Variants in USPL1 observed in about 807,000 individuals in gnomAD.
USPL1 encodes ubiquitin specific peptidase like 1, also known as SUMO-specific isopeptidase USPL1.
Under a neutral mutation model 51.5 loss-of-function variants are expected in USPL1, and 27 were observed. The observed-to-expected ratio is 0.52, with a 90% CI of 0.39 to 0.72. The LOEUF is 0.72. Among genes scored for constraint, USPL1 ranks in the 30% least tolerant of loss-of-function variants. The probability of loss-of-function intolerance (pLI) is 0.00; values close to 1 mark genes in which losing one functional copy is unlikely to be tolerated. For missense variants in USPL1, 1,226 were observed against 1,268.0 expected (o/e 0.97, Z 0.50); for synonymous variants, 451 against 459.6 (o/e 0.98, Z 0.24).
chr13:30,655,746 T>C (rs1951154480), intron 8 of USPL1, among the ~76,000 whole-genome samples: 1 of 152,264 alleles, frequency 6.6e-6, no homozygotes, highest in South Asian at 2.1e-4. Flanking sequence ...AACAATGTTT[T>C]CTAAAATAAT....
intron 6 of USPL1, among the ~76,000 whole-genome samples, chr13:30,642,992 A>T (rs569423972): frequency 3.9e-5 from 6 of 152,344 alleles, no homozygotes; most frequent in Admixed American, 6.5e-5. Flanking sequence ...GCTGAGTAGA[A>T]TACCTCTCAG....
At chr13:30,640,587 G>C (rs1437045187) in intron 5 of USPL1, among the ~76,000 whole-genome samples, 3 of 152,154 alleles carry the variant, frequency 2.0e-5, no homozygotes, top group Admixed American at 1.3e-4. Flanking sequence ...CTACTCGGGA[G>C]GCTGAGGCAG....
rs1256964771 is a variant in USPL1, at chr13:30,657,849, CTA to C, written c.1774_1775del (p.Ile592ProfsTer12). ...ATTTTACCTCTGACACTTGAAGAAA[CTA>C]TCCAGAAAACAGCCTCAGTTTCACA... On this transcript the variant is annotated frameshift_variant, in exon 9 of 9. Coordinates refer to ENST00000255304, the MANE Select transcript of USPL1 (RefSeq NM_005800.5). LOFTEE classifies it low-confidence loss of function (END_TRUNC). The C allele has an allele frequency of 6.2e-7, 1 of 1,614,014 alleles. No homozygotes were observed. Among genetic ancestry groups the C allele is most frequent in the Non-Finnish European group, 8.5e-7 (1 of 1,180,038 alleles).
chr13:30,642,864 T>C, intron 6 of USPL1, 107 bp downstream of exon 6: 1 of 1,360,544 alleles, frequency 7.3e-7, no homozygotes, highest in Non-Finnish European at 1.0e-6. Flanking sequence ...TTCTTTAAAC[T>C]GGAAGGGTCA....
chr13:30,641,676 A>T (rs1380932840), intron 5 of USPL1, among the ~76,000 whole-genome samples: 3 of 152,160 alleles, frequency 2.0e-5, no homozygotes, highest in East Asian at 3.8e-4. Flanking sequence ...TGACAACAAG[A>T]TTCAAATCTT....
intron 3 of USPL1, 88 bp from the exon 4 acceptor site, chr13:30,630,747 C>T: frequency 7.5e-7 from 1 of 1,341,986 alleles, no homozygotes; most frequent in East Asian, 2.4e-5. Context: ...TGCTAACATT[C>T]TATACATGTT....
chr13:30,656,813 A>C (rs192692278), intron 8 of USPL1, among the ~76,000 whole-genome samples: 4 of 151,402 alleles, frequency 2.6e-5, no homozygotes, highest in African/African-American at 7.3e-5. Context: ...ATTTCTCTAC[A>C]TCCTTGCCAA....
chr13:30,658,213 A>G lies in USPL1; in HGVS notation c.2136A>G (p.Gln712=), dbSNP rs754057350. 3 of 1,611,748 alleles carry G rather than the reference A, an allele frequency of 1.9e-6. No individual in the cohort carries two copies. The highest frequency in any genetic ancestry group is 1.1e-5 in the South Asian group (1 of 90,250). Residue 712 remains glutamine, a synonymous_variant, in exon 9 of 9, where the codon CAA becomes CAG. Transcript: ENST00000255304. ...AATTCCTTACACCAAAAACTGAACA[A>G]TTAAAACCAGAACGTGTCACATCTC... ...LKQFLTPKTE[Q]LKPERVTSQV...
chr13:30,627,924 C>G (rs1950742967), intron 3 of USPL1, among the ~76,000 whole-genome samples: 1 of 151,856 alleles, frequency 6.6e-6, no homozygotes, highest in African/African-American at 2.4e-5. Context: ...GTCGCCCAGG[C>G]TGGAGTGTAG....
chr13:30,639,948 G>C (rs568562854), intron 5 of USPL1, among the ~76,000 whole-genome samples: 41 of 152,262 alleles, frequency 2.7e-4, no homozygotes, highest in Non-Finnish European at 4.9e-4. Context: ...CATGGGCCTG[G>C]TTTTCTATGT....
At chr13:30,650,252 A>G (rs1951071737) in intron 7 of USPL1, among the ~76,000 whole-genome samples, 1 of 152,176 alleles carries the variant, frequency 6.6e-6, no homozygotes, top group South Asian at 2.1e-4. Context: ...TACTGTTTGT[A>G]AGTTTTACCA....
intron 5 of USPL1, among the ~76,000 whole-genome samples, chr13:30,639,101 A>G (rs1950911996): frequency 6.6e-6 from 1 of 151,614 alleles, no homozygotes; most frequent in African/African-American, 2.4e-5. Flanking sequence ...CTGTAGTTCC[A>G]GCTACTCGGG....
At chr13:30,655,762 C>T (rs1336246571) in intron 8 of USPL1, among the ~76,000 whole-genome samples, 1 of 152,102 alleles carries the variant, frequency 6.6e-6, no homozygotes, top group African/African-American at 2.4e-5. Context: ...ATAATATACT[C>T]CTTAGAAAAA....
chr13:30,647,145 C>G, intron 7 of USPL1, 88 bp downstream of exon 7: 1 of 1,365,246 alleles, frequency 7.3e-7, no homozygotes, highest in Non-Finnish European at 1.0e-6. Context: ...ATGGTGACAA[C>G]AACTTACCTT....
intron 8 of USPL1, among the ~76,000 whole-genome samples, chr13:30,656,602 CTA>C (rs1397750474): frequency 6.6e-6 from 1 of 152,188 alleles, no homozygotes; most frequent in Admixed American, 6.5e-5. Context: ...GGACATTTGA[CTA>C]TTGTGAATAA....
intron 2 of USPL1, among the ~76,000 whole-genome samples, 197 bp downstream of exon 2, chr13:30,621,436 CAT>C (rs759111594): frequency 6.6e-6 from 1 of 152,050 alleles, no homozygotes; most frequent in Non-Finnish European, 1.5e-5. Context: ...GGAAATAAAA[CAT>C]AGACCTTATG....
At chr13:30,629,872 T>C (rs1308482749) in intron 3 of USPL1, among the ~76,000 whole-genome samples, 2 of 152,172 alleles carry the variant, frequency 1.3e-5, no homozygotes, top group Non-Finnish European at 2.9e-5. Flanking sequence ...CAGGAGGGCA[T>C]GAATTACCAG....
chr13:30,643,391 A>T (rs1050497769), intron 6 of USPL1, among the ~76,000 whole-genome samples: 1 of 152,152 alleles, frequency 6.6e-6, no homozygotes, highest in Non-Finnish European at 1.5e-5. Context: ...CTGGTCCCAT[A>T]CATTTCAGAT....
At chr13:30,623,165 A>G (rs1366230782) in intron 3 of USPL1, among the ~76,000 whole-genome samples, 1 of 152,084 alleles carries the variant, frequency 6.6e-6, no homozygotes, top group Non-Finnish European at 1.5e-5. Flanking sequence ...ATTCGAGCAA[A>G]AGCCTGAAAG....
Sources: allele counts gnomAD v4.1 joint callset (sites outside exome capture counted in the v4.1 genomes callset), GRCh38; gene constraint gnomAD v4.1.1; transcripts MANE v1.5; gene names NCBI Gene and HGNC (gene_info 2026-07-23, HGNC 2026-07-21).